CERS6: variants seen among roughly 807,000 people sequenced by gnomAD.
CERS6 encodes ceramide synthase 6.
CERS6 carries 26 observed loss-of-function variants against 56.8 expected under a neutral mutation model. That is an observed-to-expected ratio of 0.46 (90% CI 0.34 to 0.63). CERS6 has a LOEUF of 0.63. CERS6 is among the 30% of genes least tolerant of loss of function. The probability of loss-of-function intolerance (pLI) is 0.01; values close to 1 mark genes in which losing one functional copy is unlikely to be tolerated. For synonymous variants in CERS6, 164 were observed against 173.3 expected (o/e 0.95, Z 0.42); for missense variants, 415 against 467.5 (o/e 0.89, Z 1.04).
chr2:168,574,408 G>A (rs1559004263), intron 3 of CERS6, among the ~76,000 whole-genome samples: 1 of 94,540 alleles, frequency 1.1e-5, no homozygotes, highest in African/African-American at 3.5e-5. Flanking sequence ...GTGTGTGTGT[G>A]TGTGTGTCAA....
intron 8 of CERS6, among the ~76,000 whole-genome samples, chr2:168,749,470 C>T (rs1684198321): frequency 6.6e-6 from 1 of 152,198 alleles, no homozygotes; most frequent in South Asian, 2.1e-4. Context: ...GCCACATGCT[C>T]ACTGAGAGCT....
chr2:168,460,214 A>G (rs1303750822), intron 1 of CERS6, among the ~76,000 whole-genome samples: 1 of 148,042 alleles, frequency 6.8e-6, no homozygotes, highest in African/African-American at 2.5e-5. Context: ...TTTTTTTTTG[A>G]GACATGTTCT....
At chr2:168,625,855 C>T (rs1684579200) in intron 3 of CERS6, among the ~76,000 whole-genome samples, 1 of 152,156 alleles carries the variant, frequency 6.6e-6, no homozygotes, top group Non-Finnish European at 1.5e-5. Context: ...CTTTTCGGTG[C>T]TCTTCTATCC....
intron 3 of CERS6, among the ~76,000 whole-genome samples, chr2:168,608,790 T>A (rs1310046010): frequency 6.6e-6 from 1 of 152,240 alleles, no homozygotes; most frequent in Non-Finnish European, 1.5e-5. Context: ...GCAAACATTT[T>A]CCCCTAGTCT....
intron 1 of CERS6, among the ~76,000 whole-genome samples, chr2:168,541,924 A>G (rs1476645674): frequency 1.3e-5 from 2 of 152,140 alleles, no homozygotes; most frequent in Non-Finnish European, 2.9e-5. Flanking sequence ...TGGTTCCTGC[A>G]GCTAGAAAGA....
At chr2:168,688,496 C>A (rs1402291580) in intron 4 of CERS6, among the ~76,000 whole-genome samples, 1 of 151,568 alleles carries the variant, frequency 6.6e-6, no homozygotes, top group Non-Finnish European at 1.5e-5. Context: ...TATAAGAAAT[C>A]AGGAGAATCA....
At chr2:168,713,932 C>G (rs548235370) in intron 6 of CERS6, among the ~76,000 whole-genome samples, 1 of 152,034 alleles carries the variant, frequency 6.6e-6, no homozygotes, top group African/African-American at 2.4e-5. Flanking sequence ...AAAACAATCA[C>G]CCCCGTCTTA....
intron 3 of CERS6, among the ~76,000 whole-genome samples, chr2:168,587,189 TATAAA>T (rs1051050778): frequency 1.8e-4 from 27 of 152,106 alleles, no homozygotes; most frequent in African/African-American, 6.0e-4. Flanking sequence ...AATAAATAAA[TATAAA>T]ATAAAATAAA....
chr2:168,711,623 A>G (rs1394161640), intron 6 of CERS6, among the ~76,000 whole-genome samples: 1 of 151,540 alleles, frequency 6.6e-6, no homozygotes, highest in Non-Finnish European at 1.5e-5. Context: ...AATCCCAGCT[A>G]CTTGGGTGGC....
At chr2:168,564,875 T>C (rs1257338544) in intron 3 of CERS6, among the ~76,000 whole-genome samples, 2 of 152,226 alleles carry the variant, frequency 1.3e-5, no homozygotes, top group South Asian at 2.1e-4. Context: ...TCCAATTCTG[T>C]GTTGCTTGAA....
chr2:168,547,847 G>A lies in CERS6; in HGVS notation c.276+146G>A, dbSNP rs561297601. 785 of 632,452 alleles carry A rather than the reference G, an allele frequency of 1.2e-3. 3 individuals are homozygous for A. The highest frequency in any genetic ancestry group is 1.9e-3 in the Non-Finnish European group (654 of 350,180). 39.2% of individuals were successfully genotyped at this position (632,452 alleles called of 1,614,324 possible). On this transcript the variant is annotated intron_variant, in intron 2 of 9. Coordinates refer to ENST00000305747, the MANE Select transcript of CERS6 (RefSeq NM_203463.3). ...ACGTGTTGTCAGAAGGAATGCAAGC[G>A]TAGTAGAAGCGGAATGAAGATGGGC...
intron 1 of CERS6, among the ~76,000 whole-genome samples, chr2:168,524,248 A>G (rs1014300215): frequency 6.6e-6 from 1 of 152,242 alleles, no homozygotes; most frequent in Non-Finnish European, 1.5e-5. Context: ...CAGTTTAATG[A>G]ACTGTGGTAG....
chr2:168,631,809 TA>T lies in CERS6; in HGVS notation c.465+769del, dbSNP rs1490753579. Among the ~76,000 whole-genome samples, 1,421 of 129,394 alleles carry T rather than the reference TA, an allele frequency of 0.011. 47 individuals are homozygous for T. In the East Asian group the frequency reaches 0.12, roughly 11 times the overall value. The allele number at this position is 129,394 out of a possible 152,430, so 84.9% of individuals were successfully genotyped here. On this transcript the variant is annotated intron_variant, in intron 4 of 9. Transcript: ENST00000305747. ...TTTGTTATATATAATATATATTATA[TA>T]ATTTATTATATATTATATAATATAT...
chr2:168,465,842 A>G (rs775032676), intron 1 of CERS6, among the ~76,000 whole-genome samples: 4 of 152,114 alleles, frequency 2.6e-5, no homozygotes, highest in Admixed American at 1.3e-4. Flanking sequence ...AACAATGGTT[A>G]TGATGGTAAG....
chr2:168,769,458 A>G, intron 9 of CERS6, 52 bp from the exon 10 acceptor site: 2 of 1,485,886 alleles, frequency 1.3e-6, no homozygotes, highest in Non-Finnish European at 1.8e-6. Context: ...AGCATGCCAT[A>G]CCTTGATGAT....
At chr2:168,747,704 T>C (rs893406334) in intron 8 of CERS6, among the ~76,000 whole-genome samples, 1 of 152,174 alleles carries the variant, frequency 6.6e-6, no homozygotes, top group Non-Finnish European at 1.5e-5. Context: ...TATTATCTCT[T>C]TTAATTATTA....
chr2:168,769,188 G>A (rs543606290), intron 9 of CERS6, among the ~76,000 whole-genome samples: 27 of 152,126 alleles, frequency 1.8e-4, no homozygotes, highest in East Asian at 7.7e-4. Context: ...TTCCTATGAC[G>A]CCATTCCAGT....
chr2:168,635,272 T>C (rs942932086), intron 4 of CERS6, among the ~76,000 whole-genome samples: 1 of 152,128 alleles, frequency 6.6e-6, no homozygotes, highest in African/African-American at 2.4e-5. Flanking sequence ...ACTGACCAGC[T>C]GGTGTCCCTG....
intron 3 of CERS6, among the ~76,000 whole-genome samples, chr2:168,579,974 G>T (rs759754022): frequency 6.6e-6 from 1 of 152,028 alleles, no homozygotes; most frequent in Non-Finnish European, 1.5e-5. Context: ...TAATCACAAC[G>T]CCACTTTTCC....
Sources: allele counts gnomAD v4.1 joint callset (sites outside exome capture counted in the v4.1 genomes callset), GRCh38; gene constraint gnomAD v4.1.1; transcripts MANE v1.5; gene names NCBI Gene and HGNC (gene_info 2026-07-23, HGNC 2026-07-21).